RUNX2: variants seen among roughly 807,000 people sequenced by gnomAD.
RUNX2 encodes the protein RUNX family transcription factor 2.
In RUNX2, 10 loss-of-function variants were observed where a neutral mutation model predicts 51.7. The observed-to-expected ratio is 0.19, with a 90% CI of 0.12 to 0.33. The LOEUF is 0.33. Ranked by LOEUF, RUNX2 falls within the 10% of genes least tolerant of loss-of-function variation. RUNX2 has a pLI of 1.00. For missense variants in RUNX2, 562 were observed against 691.3 expected, an observed-to-expected ratio of 0.81 and a Z score of 2.10; for synonymous variants, 276 against 273.6, an observed-to-expected ratio of 1.01 and a Z score of -0.09.
intron 7 of RUNX2, among the ~76,000 whole-genome samples, chr6:45,521,920 C>T (rs963390952): frequency 6.6e-6 from 1 of 152,164 alleles, no homozygotes; most frequent in Admixed American, 6.5e-5. Flanking sequence ...TTATTTGCCA[C>T]TTCTGTCAAT....
intron 5 of RUNX2, among the ~76,000 whole-genome samples, chr6:45,442,737 A>C (rs773135005): frequency 1.3e-5 from 2 of 152,016 alleles, no homozygotes; most frequent in East Asian, 1.9e-4. Flanking sequence ...GTTCATCTGG[A>C]TGGTTTTTCT....
rs984334661 is a variant in RUNX2 at position 45,547,413 on chromosome 6, A to G, written c.*108A>G. On this transcript the variant is annotated 3_prime_UTR_variant, in exon 9 of 9. Coordinates refer to ENST00000647337, the MANE Select transcript of RUNX2 (RefSeq NM_001024630.4). ...ATATGTATATCGATTAGCTATCTACAAAGTGCCTATTTTTTAGAAGATTTT... is the reference window on the plus strand; with the variant it reads ...ATATGTATATCGATTAGCTATCTACGAAGTGCCTATTTTTTAGAAGATTTT... 6 of 948,676 alleles carry G rather than the reference A, an allele frequency of 6.3e-6. No homozygotes were observed. The African/African-American group carries it at 9.7e-5, about 15-fold the overall frequency. The allele number at this position is 948,676 out of a possible 1,614,324, so 58.8% of individuals were successfully genotyped here.
At chr6:45,478,363 A>T (rs1023884768) in intron 5 of RUNX2, among the ~76,000 whole-genome samples, 2 of 152,174 alleles carry the variant, frequency 1.3e-5, no homozygotes, top group African/African-American at 4.8e-5. Context: ...TTCACCTCTT[A>T]TTACATTTTG....
chr6:45,363,678 TAAAC>T (rs925318472), intron 2 of RUNX2, among the ~76,000 whole-genome samples: 1 of 150,930 alleles, frequency 6.6e-6, no homozygotes, highest in African/African-American at 2.5e-5. Flanking sequence ...TGAAAAAAAT[TAAAC>T]TAATCCACAA....
chr6:45,540,926 A>G (rs934893079), intron 7 of RUNX2, among the ~76,000 whole-genome samples: 2 of 152,208 alleles, frequency 1.3e-5, no homozygotes, highest in Non-Finnish European at 2.9e-5. Context: ...CCTGTCTGCA[A>G]TGTGAGGTCA....
chr6:45,518,025 A>G (rs1801386482), intron 7 of RUNX2, among the ~76,000 whole-genome samples: 1 of 152,210 alleles, frequency 6.6e-6, no homozygotes. Context: ...ATGCCTTAAG[A>G]AAGGTTAAAA....
intron 6 of RUNX2, among the ~76,000 whole-genome samples, chr6:45,510,996 T>C (rs1801126132): frequency 6.6e-6 from 1 of 152,202 alleles, no homozygotes; most frequent in African/African-American, 2.4e-5. Flanking sequence ...CCGTGCATAT[T>C]CTAAGATACC....
chr6:45,504,139 G>C (rs1800883969), intron 6 of RUNX2, among the ~76,000 whole-genome samples: 1 of 152,140 alleles, frequency 6.6e-6, no homozygotes, highest in Admixed American at 6.5e-5. Flanking sequence ...GGGGACAAGG[G>C]GGGTCCGCAC....
At chr6:45,330,545 C>A (rs915275991) in intron 2 of RUNX2, among the ~76,000 whole-genome samples, 2 of 151,850 alleles carry the variant, frequency 1.3e-5, no homozygotes, top group East Asian at 3.9e-4. Flanking sequence ...TCAAAAAATT[C>A]TTCAGTATTA....
intron 2 of RUNX2, among the ~76,000 whole-genome samples, chr6:45,329,910 T>C (rs899859175): frequency 1.8e-4 from 27 of 151,928 alleles, no homozygotes; most frequent in Admixed American, 5.9e-4. Context: ...TCCATTAAAA[T>C]AAACCTTCTT....
chr6:45,522,687 C>T (rs1466033760), intron 7 of RUNX2, among the ~76,000 whole-genome samples: 1 of 152,160 alleles, frequency 6.6e-6, no homozygotes, highest in Non-Finnish European at 1.5e-5. Flanking sequence ...TCCCATTGGC[C>T]CAGGGCCTGG....
intron 7 of RUNX2, among the ~76,000 whole-genome samples, chr6:45,540,766 C>T (rs1802197148): frequency 6.6e-6 from 1 of 152,146 alleles, no homozygotes; most frequent in African/African-American, 2.4e-5. Context: ...CCTCTTTCCC[C>T]TTCATCTAGT....
chr6:45,369,871 G>T (rs1795769272), intron 2 of RUNX2, among the ~76,000 whole-genome samples: 1 of 152,118 alleles, frequency 6.6e-6, no homozygotes, highest in Admixed American at 6.6e-5. Flanking sequence ...TTTAATATAA[G>T]ATCTGGGAGG....
At chr6:45,384,441 C>T (rs560983689) in intron 2 of RUNX2, among the ~76,000 whole-genome samples, 102 of 151,742 alleles carry the variant, frequency 6.7e-4, no homozygotes, top group Non-Finnish European at 1.2e-3. Flanking sequence ...TGCACCACCA[C>T]GCCCAGCTAA....
At chr6:45,365,449 T>A in intron 2 of RUNX2, 1 of 566,228 alleles carries the variant, frequency 1.8e-6, no homozygotes, top group Non-Finnish European at 3.1e-6. Context: ...CACTTATACT[T>A]AATGTTCTTT....
intron 5 of RUNX2, among the ~76,000 whole-genome samples, chr6:45,457,278 T>C (rs1343999317): frequency 6.6e-6 from 1 of 152,134 alleles, no homozygotes; most frequent in Non-Finnish European, 1.5e-5. Flanking sequence ...TGTTCATTAC[T>C]AAGGATGGAA....
In RUNX2 at chr6:45,547,175, G is replaced by T. The variant is rs746611102; in HGVS notation, c.1436G>T (p.Gly479Val). The change falls in exon 9 of 9, where the codon GGC becomes GTC. Residue 479 changes from glycine to valine, a missense_variant. Around this residue, in one of 5 missense-constraint regions of RUNX2, gnomAD observed 304 missense variants for 353.2 expected, o/e 0.86. Transcript: ENST00000647337. ...CCGCCATGCACCACCACCTCGAATG[G>T]CAGCACGCTATTAAATCCAAATTTG... is the stretch of plus-strand genomic sequence containing the variant. ...MLPPCTTTSN[G>V]STLLNPNLPN... 6 of 1,614,126 alleles carry T rather than the reference G, an allele frequency of 3.7e-6. No homozygotes were observed. The highest frequency in any genetic ancestry group is 5.1e-6 in the Non-Finnish European group (6 of 1,180,030).
intron 7 of RUNX2, among the ~76,000 whole-genome samples, chr6:45,544,967 A>T (rs192956364): frequency 6.6e-6 from 1 of 152,348 alleles, no homozygotes; most frequent in Admixed American, 6.5e-5. Context: ...TAAAAAGCAG[A>T]GAGTGACTGC....
intron 7 of RUNX2, among the ~76,000 whole-genome samples, chr6:45,535,833 G>T (rs1802014641): frequency 6.6e-6 from 1 of 151,962 alleles, no homozygotes; most frequent in South Asian, 2.1e-4. Flanking sequence ...CAGGCAGGAA[G>T]GTGGGAAAAG....
Sources: gnomAD v4.1 joint callset for allele counts (sites outside exome capture counted in the v4.1 genomes callset) on GRCh38, gnomAD v4.1.1 for gene constraint, gnomAD v4.1.1 regional missense constraint, MANE v1.5 for transcripts, NCBI Gene and HGNC (gene_info 2026-07-23, HGNC 2026-07-21) for gene names.